CHAF1B: variants seen among roughly 807,000 people sequenced by gnomAD.
CHAF1B encodes CAF-1 subunit B.
In CHAF1B, 10 loss-of-function variants were observed where a neutral mutation model predicts 60.7. The ratio of observed to expected loss-of-function variants is 0.16; its 90% CI spans 0.10 to 0.28. The LOEUF (loss-of-function observed/expected upper bound fraction) is 0.28. Ranked by LOEUF, CHAF1B falls within the 10% of genes least tolerant of loss-of-function variation. The pLI, the probability that CHAF1B is intolerant of heterozygous loss-of-function variation, is 1.00. For synonymous variants in CHAF1B, 261 were observed against 266.1 expected (o/e 0.98, Z 0.19); for missense variants, 558 against 708.4 (o/e 0.79, Z 2.41).
At chr21:36,396,664 G>GA (rs752832667) in intron 5 of CHAF1B, among the ~76,000 whole-genome samples, 5,337 of 136,374 alleles carry the variant, frequency 0.039, 129 homozygotes, top group Non-Finnish European at 0.058. Context: ...AAAAAAAAAA[G>GA]AAAAAAAAAA....
chr21:36,410,674 C>CTT (rs59272936), intron 10 of CHAF1B, among the ~76,000 whole-genome samples: 22 of 141,872 alleles, frequency 1.6e-4, no homozygotes, highest in African/African-American at 3.1e-4. Context: ...TTGCTGCTTT[C>CTT]TTTTTTTTTT....
At chr21:36,390,169 A>C (rs1198249178) in intron 3 of CHAF1B, among the ~76,000 whole-genome samples, 1 of 151,922 alleles carries the variant, frequency 6.6e-6, no homozygotes. Context: ...CCTCGTCTCT[A>C]CTAAAAATAC....
chr21:36,393,565 C>T (rs1377608586), intron 4 of CHAF1B, among the ~76,000 whole-genome samples: 1 of 150,898 alleles, frequency 6.6e-6, no homozygotes, highest in Non-Finnish European at 1.5e-5. Flanking sequence ...GATTCTCCTA[C>T]CTCAGCCTCC....
At chr21:36,387,519 C>T (rs2086044366) in intron 2 of CHAF1B, 79 bp from the exon 3 acceptor site, 2 of 1,546,934 alleles carry the variant, frequency 1.3e-6, no homozygotes, top group Admixed American at 1.7e-5. Context: ...CCACACCCAG[C>T]CCATAGTATT....
At chr21:36,409,871 CT>C (rs2086264178) in intron 10 of CHAF1B, among the ~76,000 whole-genome samples, 1 of 132,448 alleles carries the variant, frequency 7.6e-6, no homozygotes, top group African/African-American at 2.8e-5. Flanking sequence ...TTTTTTTTTT[CT>C]TTCTTCAGGA....
At position 36,415,380 on chromosome 21, in the gene CHAF1B, A is replaced by G. The variant is rs752413431; in HGVS notation, c.1579A>G (p.Ile527Val). The G allele has an allele frequency of 3.8e-6, 6 of 1,586,378 alleles. No homozygotes were observed. In the Admixed American group the frequency reaches 1.0e-4, roughly 26 times the overall value. The change falls in exon 13 of 14, where the codon ATT (isoleucine) becomes GTT (valine). Residue 527 changes from isoleucine to valine, a missense_variant. By Grantham distance (29) the Ile-to-Val change is conservative (BLOSUM62 3). This residue lies in a region of CHAF1B where 233 missense variants were observed against 214.9 expected (regional missense o/e 1.08). Coordinates refer to ENST00000314103, the MANE Select transcript of CHAF1B (RefSeq NM_005441.3). ...SVISTPSTEE[I>V]QSETPGDAQG... ...GATTTCCACCCCTTCTACAGAAGAA[A>G]TTCAGTCAGGTAAGTAATATTGTTA...
At chr21:36,391,346 T>C (rs917574985) in intron 3 of CHAF1B, among the ~76,000 whole-genome samples, 3 of 151,946 alleles carry the variant, frequency 2.0e-5, no homozygotes, top group African/African-American at 7.3e-5. Flanking sequence ...ATGCAGCTAA[T>C]TTTTTTGTAT....
At chr21:36,405,052 C>T (rs2086227024) in intron 8 of CHAF1B, among the ~76,000 whole-genome samples, 1 of 146,078 alleles carries the variant, frequency 6.8e-6, no homozygotes, top group African/African-American at 2.5e-5. Flanking sequence ...CGCCCAGCCC[C>T]AGTAGCAAAT....
intron 5 of CHAF1B, among the ~76,000 whole-genome samples, chr21:36,396,736 A>G (rs985537507): frequency 2.0e-5 from 3 of 151,916 alleles, no homozygotes; most frequent in African/African-American, 4.8e-5. Context: ...TGTGTGCTAA[A>G]TATTTTCCCC....
chr21:36,404,667 C>T (rs1458915052), intron 8 of CHAF1B, among the ~76,000 whole-genome samples: 1 of 150,376 alleles, frequency 6.6e-6, no homozygotes, highest in Admixed American at 6.6e-5. Flanking sequence ...CTCCGGACCT[C>T]AGGTGATCTG....
In CHAF1B at chr21:36,391,621, C is replaced by T. The variant is rs763933534; in HGVS notation, c.330C>T (p.Asp110=). 2.7e-5 allele frequency: 43 copies of T among 1,613,524 alleles called. No individual in the cohort carries two copies. Among genetic ancestry groups the T allele is most frequent in the East Asian group, 6.7e-5 (3 of 44,872 alleles). ...EPEQIAFQDE[D]EAQLNKENWT... ...AGCAGATCGCTTTTCAGGATGAGGACGAGGCCCAGCTGAACAAGGAGAACT... is the reference window on the plus strand; with the variant it reads ...AGCAGATCGCTTTTCAGGATGAGGATGAGGCCCAGCTGAACAAGGAGAACT... Residue 110 remains aspartate, a synonymous_variant, in exon 4 of 14, where the codon GAC becomes GAT. Coordinates refer to ENST00000314103, the MANE Select transcript of CHAF1B (RefSeq NM_005441.3).
chr21:36,411,679 G>A (rs1204928947), intron 11 of CHAF1B, 75 bp downstream of exon 11: 1 of 1,540,398 alleles, frequency 6.5e-7, no homozygotes, highest in Non-Finnish European at 8.9e-7. Flanking sequence ...CGGGGTTAGG[G>A]AGCATTTCAT....
rs183202240 is a variant in CHAF1B, at chr21:36,410,747, G to A, written c.920-716G>A. Among the ~76,000 whole-genome samples the A allele has an allele frequency of 5.2e-3, 774 of 148,844 alleles. 6 individuals carry two copies. The highest frequency in any genetic ancestry group is 0.018 in the African/African-American group (725 of 40,290). On this transcript the variant is annotated intron_variant, in intron 10 of 13. Transcript: ENST00000314103. ...ATAATCTCGGCTCGTTGCAGCCTTC[G>A]TCTCCCAGGTTCAAGTGAATCTCCC...
At position 36,386,235 on chromosome 21, in the gene CHAF1B, G is replaced by T. The variant is rs772810675; in HGVS notation, c.99G>T (p.Ala33=). Residue 33 remains alanine (A), a synonymous_variant, in exon 2 of 14, where the codon GCG becomes GCT. Transcript: ENST00000314103. ...CGGCTGGGAGGATCCACAGACTGGC[G>T]TCTGCCGGCGTGGACACCAATGTCA... ...HGTAGRIHRL[A]SAGVDTNVRI... The T allele has an allele frequency of 1.9e-6, 3 of 1,614,208 alleles. No homozygotes were observed. The highest frequency in any genetic ancestry group is 2.2e-5 in the South Asian group (2 of 91,084).
chr21:36,396,198 C>G (rs539193645), intron 5 of CHAF1B, among the ~76,000 whole-genome samples: 107 of 151,214 alleles, frequency 7.1e-4, no homozygotes, highest in Non-Finnish European at 1.3e-3. Context: ...TGGGGTTTGC[C>G]CATGTTGGCC....
chr21:36,392,403 A>G (rs964724779), intron 4 of CHAF1B, among the ~76,000 whole-genome samples: 1 of 152,216 alleles, frequency 6.6e-6, no homozygotes, highest in African/African-American at 2.4e-5. Flanking sequence ...CAAAACCGCC[A>G]TCGTCATCAT....
intron 5 of CHAF1B, among the ~76,000 whole-genome samples, chr21:36,397,121 C>T (rs1347856549): frequency 6.6e-6 from 1 of 152,174 alleles, no homozygotes; most frequent in African/African-American, 2.4e-5. Context: ...GAACTTAGAT[C>T]TTCTCAGACC....
intron 13 of CHAF1B, chr21:36,415,726 G>A: frequency 2.3e-6 from 1 of 442,428 alleles, no homozygotes; most frequent in Non-Finnish European, 4.2e-6. Flanking sequence ...ATCCCCGGCT[G>A]CTACTTCTTG....
At chr21:36,406,195 T>A (rs1374957144) in intron 8 of CHAF1B, among the ~76,000 whole-genome samples, 1 of 152,222 alleles carries the variant, frequency 6.6e-6, no homozygotes, top group Non-Finnish European at 1.5e-5. Context: ...TGTATGTTAC[T>A]TAAATAATTC....
Sources: gnomAD v4.1 joint callset for allele counts (sites outside exome capture counted in the v4.1 genomes callset) on GRCh38, gnomAD v4.1.1 for gene constraint, gnomAD v4.1.1 regional missense constraint, MANE v1.5 for transcripts, NCBI Gene and HGNC (gene_info 2026-07-23, HGNC 2026-07-21) for gene names.